SLK: variants seen among roughly 807,000 people sequenced by gnomAD.
SLK encodes the protein STE20 like kinase, also known as STE20-like serine/threonine-protein kinase.
In SLK, 67 loss-of-function variants were observed where a neutral mutation model predicts 147.7. The ratio of observed to expected loss-of-function variants is 0.45; its 90% CI spans 0.37 to 0.56. The LOEUF (loss-of-function observed/expected upper bound fraction) is 0.56, where lower values mean the gene tolerates loss of function less well. Ranked by LOEUF, SLK falls within the 20% of genes least tolerant of loss-of-function variation. The pLI, the probability that SLK is intolerant of heterozygous loss-of-function variation, is 0.00. For missense variants in SLK, 1,136 were observed against 1,438.8 expected (o/e 0.79, Z 3.41); for synonymous variants, 441 against 475.0 (o/e 0.93, Z 0.93).
rs878970385 is a variant in SLK, at chr10:104,026,260, A to G, written c.*540A>G. ...AGGAACAACCTCTTTTAAAAGAGAAAAATTATTTCAGTGATTTGTCAAAAC... is the reference window on the plus strand; with the variant it reads ...AGGAACAACCTCTTTTAAAAGAGAAGAATTATTTCAGTGATTTGTCAAAAC... On this transcript the variant is annotated 3_prime_UTR_variant, in exon 19 of 19. Transcript: ENST00000369755. The G allele has an allele frequency of 1.3e-5, 2 of 152,636 alleles. No individual in the cohort carries two copies. The highest frequency in any genetic ancestry group is 4.1e-4 in the South Asian group (2 of 4,828). The allele number at this position is 152,636 out of a possible 1,614,324, so 9.5% of individuals were successfully genotyped here.
rs1844520728 is a variant in SLK, at chr10:104,020,514, G to A, written c.3348G>A (p.Gln1116=). ...TTGCTGCACAAGAAGAAAAGAGGCA[G>A]AAAAATGAGAGAATGGCTCAGCATC... ...KQFAAQEEKR[Q]KNERMAQHQK... is the part of the protein sequence containing the mutation. The change falls in exon 17 of 19, where the codon CAG becomes CAA. Residue 1116 remains glutamine, a synonymous_variant. Transcript: ENST00000369755. 15 of 1,613,516 alleles carry A rather than the reference G, an allele frequency of 9.3e-6. 1 individual carries two copies. The highest frequency in any genetic ancestry group is 1.3e-5 in the African/African-American group (1 of 75,002).
In SLK at chr10:103,992,586, T is replaced by C; in HGVS notation, c.316-12T>C. ...TTTAGACACACGCTTTTTTTTTTTTTTTTGCATGCAGATCCTCATTGAATT... is the reference window on the plus strand; with the variant it reads ...TTTAGACACACGCTTTTTTTTTTTTCTTTGCATGCAGATCCTCATTGAATT... On this transcript the variant is annotated splice_polypyrimidine_tract_variant and intron_variant, in intron 2 of 18. Coordinates refer to ENST00000369755, the MANE Select transcript of SLK (RefSeq NM_014720.4). The C allele has an allele frequency of 7.6e-7, 1 of 1,314,298 alleles. No individual in the cohort carries two copies. Among genetic ancestry groups the C allele is most frequent in the Non-Finnish European group, 9.8e-7 (1 of 1,016,434 alleles). 81.4% of individuals were successfully genotyped at this position (1,314,298 alleles called of 1,614,324 possible).
At chr10:104,020,103 A>G (rs774438761) in intron 16 of SLK, among the ~76,000 whole-genome samples, 181 bp downstream of exon 16, 17 of 152,206 alleles carry the variant, frequency 1.1e-4, no homozygotes, top group Non-Finnish European at 2.1e-4. Context: ...CTTCCCCAGG[A>G]TGGTGGTCAC....
At chr10:103,993,258 G>A (rs2134475977) in intron 4 of SLK, 125 bp downstream of exon 4, 1 of 580,734 alleles carries the variant, frequency 1.7e-6, no homozygotes, top group Non-Finnish European at 2.8e-6. Flanking sequence ...ACTCCATGCT[G>A]GTTTTTAAAA....
At position 104,018,228 on chromosome 10, in the gene SLK, G is replaced by A. The variant is rs1844488940; in HGVS notation, c.2946G>A (p.Gln982=). The change falls in exon 14 of 19, where the codon CAG becomes CAA. Residue 982 remains glutamine (Q), a synonymous_variant. Coordinates refer to ENST00000369755, the MANE Select transcript of SLK (RefSeq NM_014720.4). ...CTCTGAAAAAGATCATCCAGCAGCA[G>A]AAGGCAGAGTTAGCTAATATTGAGA... ...DGSLKKIIQQ[Q]KAELANIERE... The A allele has an allele frequency of 6.2e-7, 1 of 1,604,812 alleles. No homozygotes were observed. The highest frequency in any genetic ancestry group is 1.3e-5 in the African/African-American group (1 of 74,176).
chr10:103,986,298 C>T (rs947358312), intron 1 of SLK, among the ~76,000 whole-genome samples: 4 of 152,124 alleles, frequency 2.6e-5, no homozygotes, highest in African/African-American at 9.7e-5. Flanking sequence ...GCTTGTTTTC[C>T]TGCAACTAAA....
At chr10:103,984,778 G>A (rs1303225281) in intron 1 of SLK, among the ~76,000 whole-genome samples, 2 of 152,032 alleles carry the variant, frequency 1.3e-5, no homozygotes, top group Non-Finnish European at 2.9e-5. Context: ...TGATTTATTT[G>A]TTGACTGTCC....
intron 4 of SLK, among the ~76,000 whole-genome samples, chr10:103,995,766 A>T (rs1369608257): frequency 6.6e-6 from 1 of 152,176 alleles, no homozygotes; most frequent in Non-Finnish European, 1.5e-5. Context: ...TTCTTTTAGT[A>T]GAATATAGTA....
intron 9 of SLK, 54 bp from the exon 10 acceptor site, chr10:104,005,507 T>C (rs1279439983): frequency 1.3e-6 from 2 of 1,506,128 alleles, no homozygotes; most frequent in Non-Finnish European, 1.8e-6. Flanking sequence ...AGAAAATGTT[T>C]TCTACCTCCA....
At chr10:103,973,958 A>G (rs1051673828) in intron 1 of SLK, among the ~76,000 whole-genome samples, 3 of 152,162 alleles carry the variant, frequency 2.0e-5, no homozygotes, top group African/African-American at 7.2e-5. Flanking sequence ...TGGCTGCAAG[A>G]GTTGCTGTTG....
chr10:103,993,141 A>T lies in SLK; in HGVS notation c.514+8A>T. ...ATGGAGATATCAAATTGGGTAAGTT[A>T]TTCACTTAAATAAAACATTAGAATT... On this transcript the variant is annotated splice_region_variant and intron_variant, in intron 4 of 18. Coordinates refer to ENST00000369755, the MANE Select transcript of SLK (RefSeq NM_014720.4). 6.3e-7 allele frequency: 1 copy of T among 1,578,876 alleles called. No individual in the cohort carries two copies. Among genetic ancestry groups the T allele is most frequent in the Non-Finnish European group, 8.6e-7 (1 of 1,159,218 alleles).
intron 3 of SLK, 135 bp from the exon 4 acceptor site, chr10:103,992,849 T>C: frequency 2.3e-6 from 1 of 438,816 alleles, no homozygotes; most frequent in Non-Finnish European, 3.8e-6. Flanking sequence ...GTGATCTTTG[T>C]AGATATAGTT....
intron 13 of SLK, among the ~76,000 whole-genome samples, chr10:104,016,329 A>C (rs1281823185): frequency 6.6e-6 from 1 of 152,112 alleles, no homozygotes; most frequent in Non-Finnish European, 1.5e-5. Flanking sequence ...AAAAAAAAAA[A>C]AGAAAAATTT....
chr10:104,011,562 CTTT>C (rs763549049), intron 13 of SLK, among the ~76,000 whole-genome samples: 3 of 132,846 alleles, frequency 2.3e-5, no homozygotes, highest in Admixed American at 7.4e-5. Context: ...TGGGTGAATT[CTTT>C]TTTTTTTTTT....
chr10:103,970,342 T>C (rs1474121866), intron 1 of SLK, among the ~76,000 whole-genome samples: 1 of 152,238 alleles, frequency 6.6e-6, no homozygotes, highest in Non-Finnish European at 1.5e-5. Flanking sequence ...CAAAATGTGA[T>C]CTATCTTCCT....
Position 103,998,942 on chromosome 10 carries a change from A to T in SLK, c.558A>T (p.Arg186Ser), listed in dbSNP as rs1296713721. The change falls in exon 5 of 19, where the codon AGA (arginine) becomes AGT (serine). Residue 186 changes from arginine (R) to serine (S), a missense_variant. Physicochemically the swap from Arg to Ser is moderately radical, Grantham distance 110. Coordinates refer to ENST00000369755, the MANE Select transcript of SLK (RefSeq NM_014720.4). ...CTAAAAACACGAGGACAATTCAAAG[A>T]AGAGATTCCTTTATTGGTACACCAT... ...VSAKNTRTIQ[R>S]RDSFIGTPYW... 6.2e-7 allele frequency: 1 copy of T among 1,611,782 alleles called. No individual in the cohort carries two copies.
chr10:104,004,133 G>C (rs1844293449), intron 9 of SLK, among the ~76,000 whole-genome samples: 1 of 152,158 alleles, frequency 6.6e-6, no homozygotes, highest in African/African-American at 2.4e-5. Context: ...TGATCCATGG[G>C]CTGCCCCTTG....
chr10:104,017,109 A>G (rs976610861), intron 13 of SLK, among the ~76,000 whole-genome samples: 1 of 152,158 alleles, frequency 6.6e-6, no homozygotes, highest in Non-Finnish European at 1.5e-5. Context: ...TTTTTGCACA[A>G]TAATTGAAGG....
chr10:104,006,946 C>T (rs887719186), intron 11 of SLK, among the ~76,000 whole-genome samples: 8 of 152,054 alleles, frequency 5.3e-5, no homozygotes, highest in African/African-American at 1.9e-4. Flanking sequence ...AAAAAGAAAA[C>T]ATCCATTACA....
Sources: gnomAD v4.1 joint callset for allele counts (sites outside exome capture counted in the v4.1 genomes callset) on GRCh38, gnomAD v4.1.1 for gene constraint, MANE v1.5 for transcripts, NCBI Gene and HGNC (gene_info 2026-07-23, HGNC 2026-07-21) for gene names.